PRKCA: variants seen among roughly 807,000 people sequenced by gnomAD.
PRKCA encodes protein kinase C alpha type.
Under a neutral mutation model 87.0 loss-of-function variants are expected in PRKCA, and 27 were observed. The observed-to-expected ratio is 0.31, with a 90% CI of 0.23 to 0.43. PRKCA has a LOEUF of 0.43. PRKCA is among the 20% of genes least tolerant of loss of function. PRKCA has a pLI of 1.00. For synonymous variants in PRKCA, 329 were observed against 311.1 expected (o/e 1.06, Z -0.61); for missense variants, 518 against 852.3 (o/e 0.61, Z 4.88).
chr17:66,474,462 A>G (rs1915456219), intron 2 of PRKCA, among the ~76,000 whole-genome samples: 1 of 152,154 alleles, frequency 6.6e-6, no homozygotes, highest in South Asian at 2.1e-4. Context: ...GGAAAAGCAC[A>G]CTTTTAAGCT....
intron 3 of PRKCA, among the ~76,000 whole-genome samples, chr17:66,612,468 G>T (rs1376480256): frequency 6.6e-6 from 1 of 150,900 alleles, no homozygotes; most frequent in African/African-American, 2.4e-5. Flanking sequence ...TTGACTTATA[G>T]TTCCATGTAA....
intron 8 of PRKCA, among the ~76,000 whole-genome samples, chr17:66,713,310 A>G (rs1186038831): frequency 6.6e-6 from 1 of 152,024 alleles, no homozygotes; most frequent in East Asian, 1.9e-4. Context: ...TCGGCCTCCC[A>G]AAGTACTGGG....
In PRKCA at chr17:66,495,573, C is replaced by T. The variant is rs373216841; in HGVS notation, c.206-628C>T. 5.2e-4 allele frequency among the ~76,000 whole-genome samples: 25 copies of T among 48,008 alleles called. No individual in the cohort carries two copies. In the South Asian group the frequency reaches 5.3e-3, roughly 10 times the overall value. The allele number at this position is 48,008 out of a possible 152,430, so 31.5% of individuals were successfully genotyped here. A position where few individuals can be genotyped will look rare whatever the true frequency, so the allele number is the denominator to read the frequency against. ...TTTTATTTTATTTTATTTTTTGAGACGGAGTTTCACTCTTGTTGCCCAGTC... is the reference window on the plus strand; with the variant it reads ...TTTTATTTTATTTTATTTTTTGAGATGGAGTTTCACTCTTGTTGCCCAGTC... On this transcript the variant is annotated intron_variant, in intron 2 of 16. Transcript: ENST00000413366.
At chr17:66,396,468 G>A (rs1305683790) in intron 2 of PRKCA, among the ~76,000 whole-genome samples, 1 of 151,582 alleles carries the variant, frequency 6.6e-6, no homozygotes, top group African/African-American at 2.4e-5. Context: ...TTTTTTCCTT[G>A]TACCTTTAGA....
At chr17:66,514,577 C>G (rs1361654505) in intron 3 of PRKCA, among the ~76,000 whole-genome samples, 3 of 152,130 alleles carry the variant, frequency 2.0e-5, no homozygotes, top group Non-Finnish European at 4.4e-5. Flanking sequence ...TACAGCAGCT[C>G]CATGTTTCTG....
chr17:66,770,613 A>C (rs1974912673), intron 13 of PRKCA, among the ~76,000 whole-genome samples: 1 of 152,212 alleles, frequency 6.6e-6, no homozygotes, highest in African/African-American at 2.4e-5. Flanking sequence ...CGTAGTCCTA[A>C]AATTAATATA....
At chr17:66,592,904 T>G (rs749679491) in intron 3 of PRKCA, among the ~76,000 whole-genome samples, 15 of 152,236 alleles carry the variant, frequency 9.9e-5, no homozygotes, top group Non-Finnish European at 2.1e-4. Flanking sequence ...GCGATTCTCC[T>G]GCCTCAGCCT....
At chr17:66,776,645 A>G (rs1048245221) in intron 14 of PRKCA, among the ~76,000 whole-genome samples, 8 of 152,170 alleles carry the variant, frequency 5.3e-5, no homozygotes, top group African/African-American at 1.9e-4. Context: ...GTTCATGGAA[A>G]AGCTTTCAAG....
At chr17:66,774,285 G>A (rs1598933403) in intron 14 of PRKCA, 1 of 1,396,340 alleles carries the variant, frequency 7.2e-7, no homozygotes, top group Admixed American at 2.7e-5. Context: ...CAAATTGAAA[G>A]CTACAACCTG....
chr17:66,424,995 C>T (rs1056875832), intron 2 of PRKCA, among the ~76,000 whole-genome samples: 8 of 152,140 alleles, frequency 5.3e-5, no homozygotes, highest in Middle Eastern at 3.4e-3. Flanking sequence ...CTCCTGGGCT[C>T]CAGCGATCCA....
intron 3 of PRKCA, among the ~76,000 whole-genome samples, chr17:66,527,283 A>C (rs940147077): frequency 1.3e-5 from 2 of 152,060 alleles, no homozygotes; most frequent in Non-Finnish European, 2.9e-5. Flanking sequence ...TGTTTTTATA[A>C]AATAGGTAAA....
chr17:66,576,093 G>A (rs146259776), intron 3 of PRKCA, among the ~76,000 whole-genome samples: 3,903 of 152,158 alleles, frequency 0.026, 133 homozygotes, highest in East Asian at 0.15. Context: ...CAGCCTGGGC[G>A]ACACACCCAG....
chr17:66,360,731 C>G (rs1189252969), intron 2 of PRKCA, among the ~76,000 whole-genome samples: 1 of 152,080 alleles, frequency 6.6e-6, no homozygotes, highest in Non-Finnish European at 1.5e-5. Flanking sequence ...ATCTTAAAAC[C>G]CACTCTTGTC....
chr17:66,425,998 T>C (rs1420229269), intron 2 of PRKCA, among the ~76,000 whole-genome samples: 2 of 152,144 alleles, frequency 1.3e-5, no homozygotes, highest in Non-Finnish European at 2.9e-5. Context: ...GGGCAAGGGA[T>C]GATGTAGCAG....
intron 3 of PRKCA, among the ~76,000 whole-genome samples, chr17:66,542,803 T>C (rs1968027177): frequency 6.6e-6 from 1 of 152,216 alleles, no homozygotes. Context: ...TTTTTTTGTT[T>C]TACTGGATTC....
intron 2 of PRKCA, among the ~76,000 whole-genome samples, chr17:66,332,555 G>A (rs1906398343): frequency 6.6e-6 from 1 of 152,068 alleles, no homozygotes; most frequent in Non-Finnish European, 1.5e-5. Flanking sequence ...CTCTGCTATG[G>A]AGTATAGTGT....
At chr17:66,635,535 A>G (rs1971131188) in intron 3 of PRKCA, among the ~76,000 whole-genome samples, 1 of 152,202 alleles carries the variant, frequency 6.6e-6, no homozygotes, top group African/African-American at 2.4e-5. Flanking sequence ...TTACTTAGAG[A>G]AAAGCGTCCT....
At chr17:66,512,126 A>G (rs561373440) in intron 3 of PRKCA, among the ~76,000 whole-genome samples, 2 of 152,008 alleles carry the variant, frequency 1.3e-5, no homozygotes, top group Non-Finnish European at 2.9e-5. Flanking sequence ...TTTACCCTCC[A>G]CAGTAGCTAG....
Position 66,775,163 on chromosome 17 carries a change from C to A in PRKCA, c.1605+1096C>A, listed in dbSNP as rs1175096527. On this transcript the variant is annotated intron_variant, in intron 14 of 16. Coordinates refer to ENST00000413366, the MANE Select transcript of PRKCA (RefSeq NM_002737.3). ...GAGAAGCCTGAGTCTTTGAATGACCCTGTGGTCAGTGCCCACCCCCACATA... is the reference window on the plus strand; with the variant it reads ...GAGAAGCCTGAGTCTTTGAATGACCATGTGGTCAGTGCCCACCCCCACATA... 4.9e-6 allele frequency: 4 copies of A among 816,382 alleles called. No homozygotes were observed. The Admixed American group carries it at 3.0e-3, about 615-fold the overall frequency. 50.6% of individuals were successfully genotyped at this position (816,382 alleles called of 1,614,324 possible).
Sources: allele counts gnomAD v4.1 joint callset (sites outside exome capture counted in the v4.1 genomes callset), GRCh38; gene constraint gnomAD v4.1.1; transcripts MANE v1.5; gene names NCBI Gene and HGNC (gene_info 2026-07-23, HGNC 2026-07-21).